The following C3 variants were observed in gnomAD, a reference collection of about 807,000 sequenced individuals.
C3 encodes the protein complement C3.
C3 carries 97 observed loss-of-function variants against 207.9 expected under a neutral mutation model. That is an observed-to-expected ratio of 0.47 (90% confidence interval 0.40 to 0.55). The LOEUF (loss-of-function observed/expected upper bound fraction) is 0.55. C3 is among the 20% of genes least tolerant of loss of function. The pLI, the probability that C3 is intolerant of heterozygous loss-of-function variation, is 0.00. For missense variants in C3, 1,684 were observed against 2,171.7 expected, an observed-to-expected ratio of 0.78 and a Z score of 4.46; for synonymous variants, 848 against 857.6, an observed-to-expected ratio of 0.99 and a Z score of 0.20.
chr19:6,694,432 C>T lies in C3; in HGVS notation c.3153G>A (p.Lys1051=), dbSNP rs570927575. The T allele has an allele frequency of 1.2e-6, 2 of 1,613,836 alleles. No individual in the cohort carries two copies. The highest frequency in any genetic ancestry group is 2.2e-5 in the South Asian group (2 of 91,084). Residue 1051 remains lysine (K), a splice_region_variant and synonymous_variant, in exon 24 of 41, where the codon AAG becomes AAA. Transcript: ENST00000245907. ...CTCCAAGAGGGGCAGGGAGCCCACCCTTCTTGATGAGCTCCAAGGCCCCCT... is the reference window on the plus strand; with the variant it reads ...CTCCAAGAGGGGCAGGGAGCCCACCTTTCTTGATGAGCTCCAAGGCCCCCT... ...KRQGALELIK[K]GYTQQLAFRQ...
intron 9 of C3, 110 bp downstream of exon 9, chr19:6,713,078 CT>C (rs1967953071): frequency 7.3e-7 from 1 of 1,362,746 alleles, no homozygotes; most frequent in Admixed American, 1.7e-5. Flanking sequence ...CTGAACCCCA[CT>C]TTCACTCTGA....
At position 6,684,977 on chromosome 19, in the gene C3, G is replaced by C; in HGVS notation, c.3969+11C>G. 3 of 1,613,408 alleles carry C rather than the reference G, an allele frequency of 1.9e-6. No homozygotes were observed. The highest frequency in any genetic ancestry group is 2.5e-6 in the Non-Finnish European group (3 of 1,179,984). On this transcript the variant is annotated intron_variant, in intron 30 of 40. Transcript: ENST00000245907. ...AGCCAGAGTGAGGAGGGCTTGGCTG[G>C]GTGACTGTACCTCTTCTGATCGCAG...
At chr19:6,687,988 C>T (rs1918053344) in intron 27 of C3, among the ~76,000 whole-genome samples, 2 of 151,680 alleles carry the variant, frequency 1.3e-5, no homozygotes, top group African/African-American at 4.8e-5. Context: ...TTCCCAGTAG[C>T]TGGGACTACA....
chr19:6,711,482 G>A (rs1967921660), intron 11 of C3, among the ~76,000 whole-genome samples: 1 of 152,156 alleles, frequency 6.6e-6, no homozygotes, highest in South Asian at 2.1e-4. Context: ...GGAGGAAGGG[G>A]CCATGAGCCA....
At chr19:6,717,898 G>T in intron 4 of C3, 196 bp downstream of exon 4, 1 of 666,552 alleles carries the variant, frequency 1.5e-6, no homozygotes, top group South Asian at 1.6e-5. Flanking sequence ...GCCTCTGTGT[G>T]TGTATTGTGT....
At position 6,718,220 on chromosome 19, in the gene C3, G is replaced by A. The variant is rs1210834360; in HGVS notation, c.433+27C>T. 5 of 1,613,980 alleles carry A rather than the reference G, an allele frequency of 3.1e-6. No individual in the cohort carries two copies. The South Asian group carries it at 4.4e-5, about 14-fold the overall frequency. On this transcript the variant is annotated intron_variant, in intron 3 of 40. Coordinates refer to ENST00000245907, the MANE Select transcript of C3 (RefSeq NM_000064.4). Reference sequence around the variant, plus strand: ...CCTAGCCCGCCCACGCCGGTGCCCCGCCCTCTCCAGCCGCCCCCAGCCTCA... The same window carrying A: ...CCTAGCCCGCCCACGCCGGTGCCCCACCCTCTCCAGCCGCCCCCAGCCTCA...
intron 17 of C3, among the ~76,000 whole-genome samples, chr19:6,705,910 G>T (rs1452071852): frequency 6.6e-6 from 1 of 151,676 alleles, no homozygotes; most frequent in Non-Finnish European, 1.5e-5. Context: ...CTGACCTCAA[G>T]TGATCCATCC....
chr19:6,678,250 G>C lies in C3; in HGVS notation c.4752C>G (p.Phe1584Leu). Residue 1584 changes from phenylalanine (F) to leucine (L), a missense_variant, in exon 40 of 41, where the codon TTC (phenylalanine) becomes TTG (leucine). By Grantham distance (22) the Phe-to-Leu change is conservative (BLOSUM62 0). This residue lies in a region of C3 where 346 missense variants were observed against 380.1 expected (regional missense o/e 0.91). Coordinates refer to ENST00000245907, the MANE Select transcript of C3 (RefSeq NM_000064.4). ...CTTCTCTGCACTTGATGGGGCTGAT[G>C]AACGTGCGCTGCTGTCCAACCTGCA... ...DEVQVGQQRT[F>L]ISPIKCREAL... The C allele has an allele frequency of 1.2e-6, 2 of 1,614,202 alleles. No homozygotes were observed. The highest frequency in any genetic ancestry group is 1.7e-6 in the Non-Finnish European group (2 of 1,180,044).
At chr19:6,709,623 C>CCCCCCA in intron 14 of C3, 61 bp downstream of exon 14, 8 of 1,035,738 alleles carry the variant, frequency 7.7e-6, no homozygotes, top group South Asian at 5.0e-5. Flanking sequence ...CCACCCACCT[C>CCCCCCA]CCCCAGCCCC....
chr19:6,678,111 G>A (rs1335965587), intron 40 of C3, 41 bp downstream of exon 40: 1 of 1,614,080 alleles, frequency 6.2e-7, no homozygotes. Flanking sequence ...CATGGGCGGG[G>A]CAGTCGGGCG....
In C3 at chr19:6,710,770, G is replaced by A. The variant is rs549164524; in HGVS notation, c.1555C>T (p.Leu519=). The A allele has an allele frequency of 4.3e-6, 7 of 1,613,862 alleles. No individual in the cohort carries two copies. In the African/African-American group the frequency reaches 5.3e-5, roughly 12 times the overall value. The change falls in exon 13 of 41, where the codon CTG becomes TTG. Residue 519 remains leucine (L), a synonymous_variant. Coordinates refer to ENST00000245907, the MANE Select transcript of C3 (RefSeq NM_000064.4). ...EPGQDLVVLP[L]SITTDFIPSF... ...GGGATGAAGTCGGTGGTGATGGACA[G>A]GGGCAGCACCACCAGGTCCTGGCCG...
chr19:6,692,267 C>A (rs991623928), intron 26 of C3, among the ~76,000 whole-genome samples: 3 of 152,230 alleles, frequency 2.0e-5, no homozygotes, highest in Non-Finnish European at 2.9e-5. Flanking sequence ...CGAGCCCAGC[C>A]ACAGAATGCA....
At chr19:6,698,126 C>T (rs11569577) in intron 19 of C3, among the ~76,000 whole-genome samples, 1,738 of 152,166 alleles carry the variant, frequency 0.011, 13 homozygotes, top group Non-Finnish European at 0.019. Context: ...AAGCAATTCT[C>T]CTGCCTCAGC....
chr19:6,704,619 T>G (rs1416414668), intron 17 of C3, among the ~76,000 whole-genome samples: 1 of 151,740 alleles, frequency 6.6e-6, no homozygotes, highest in Non-Finnish European at 1.5e-5. Flanking sequence ...ATTAGCTGGG[T>G]GTGGTGGCAG....
chr19:6,700,659 GATATATT>G (rs1366403023), intron 19 of C3, among the ~76,000 whole-genome samples: 1 of 14,390 alleles, frequency 6.9e-5, no homozygotes, highest in African/African-American at 4.2e-4. Flanking sequence ...TATAATATAT[GATATATT>G]ATATATGTAA....
intron 21 of C3, 103 bp from the exon 22 acceptor site, chr19:6,696,762 C>A (rs1200296636): frequency 1.7e-5 from 20 of 1,189,660 alleles, no homozygotes; most frequent in Non-Finnish European, 2.4e-5. Flanking sequence ...CCTAGCATTG[C>A]CGGGCGCGGT....
At position 6,686,928 on chromosome 19, in the gene C3, C is replaced by T. The variant is rs538162769; in HGVS notation, c.3490-26G>A. 40 of 1,613,286 alleles carry T rather than the reference C, an allele frequency of 2.5e-5. No individual in the cohort carries two copies. In the African/African-American group the frequency reaches 2.5e-4, roughly 10 times the overall value. On this transcript the variant is annotated intron_variant, in intron 27 of 40. Transcript: ENST00000245907. ...CTATGAGAAAGAGGATCAGATTCTC[C>T]GGTCATGTGGGCATTGCTGTCACGT...
At chr19:6,686,314 T>G in intron 28 of C3, 27 bp from the exon 29 acceptor site, 1 of 1,612,530 alleles carries the variant, frequency 6.2e-7, no homozygotes, top group Non-Finnish European at 8.5e-7. Context: ...CCATCCCCAG[T>G]GCTCACTGCT....
At chr19:6,696,310 A>G in intron 23 of C3, 69 bp downstream of exon 23, 1 of 955,456 alleles carries the variant, frequency 1.0e-6, no homozygotes. Flanking sequence ...ACACCTCCAG[A>G]ATGAGATGGA....
Sources: allele counts gnomAD v4.1 joint callset (sites outside exome capture counted in the v4.1 genomes callset), GRCh38; gene constraint gnomAD v4.1.1; regional missense constraint gnomAD v4.1.1; transcripts MANE v1.5; gene names NCBI Gene and HGNC (gene_info 2026-07-23, HGNC 2026-07-21).